WDR59: variants seen among roughly 807,000 people sequenced by gnomAD.
WDR59 encodes the protein GATOR2 complex protein WDR59.
WDR59 carries 100 observed loss-of-function variants against 131.2 expected under a neutral mutation model. That is an observed-to-expected ratio of 0.76 (90% confidence interval 0.65 to 0.90). The LOEUF (loss-of-function observed/expected upper bound fraction) is 0.90. WDR59 is among the 40% of genes least tolerant of loss of function. The probability of loss-of-function intolerance (pLI) is 0.00; values close to 1 mark genes in which losing one functional copy is unlikely to be tolerated. For missense variants in WDR59, 1,203 were observed against 1,262.2 expected (o/e 0.95, Z 0.71); for synonymous variants, 601 against 466.2 (o/e 1.29, Z -3.72).
intron 8 of WDR59, among the ~76,000 whole-genome samples, chr16:74,936,353 G>T (rs2145071244): frequency 6.6e-6 from 1 of 152,086 alleles, no homozygotes; most frequent in South Asian, 2.1e-4. Context: ...AATATATAAA[G>T]TCCTCCCAGG....
At chr16:74,887,547 AT>A in intron 23 of WDR59, 135 bp downstream of exon 23, 2 of 810,870 alleles carry the variant, frequency 2.5e-6, no homozygotes, top group South Asian at 3.7e-5. Context: ...CAGCAAGAGT[AT>A]CCCTATCACA....
In WDR59 at chr16:74,954,413, C is replaced by T. The variant is rs186970931; in HGVS notation, c.240+2062G>A. Among the ~76,000 whole-genome samples the T allele has an allele frequency of 3.2e-4, 49 of 152,236 alleles. No homozygotes were observed. The East Asian group carries it at 8.5e-3, about 26-fold the overall frequency. Reference sequence around the variant, plus strand: ...ACAAGAGTGAAACTCTGTCTCAAAACAAACAAACAAAAAGACATAACAAAG... The same window carrying T: ...ACAAGAGTGAAACTCTGTCTCAAAATAAACAAACAAAAAGACATAACAAAG... On this transcript the variant is annotated intron_variant, in intron 3 of 25. Coordinates refer to ENST00000262144, the MANE Select transcript of WDR59 (RefSeq NM_030581.4).
intron 6 of WDR59, among the ~76,000 whole-genome samples, chr16:74,945,483 A>C (rs999389154): frequency 7.1e-6 from 1 of 141,632 alleles, no homozygotes; most frequent in Non-Finnish European, 1.5e-5. Context: ...TCTCAAAAAT[A>C]AAAAAAAAAA....
intron 1 of WDR59, among the ~76,000 whole-genome samples, chr16:74,971,801 T>G (rs2033995086): frequency 6.6e-6 from 1 of 152,172 alleles, no homozygotes; most frequent in Admixed American, 6.6e-5. Context: ...CCCAAACTTC[T>G]GGGCTCAAGT....
intron 11 of WDR59, among the ~76,000 whole-genome samples, chr16:74,917,331 G>C (rs1966439306): frequency 6.6e-6 from 1 of 152,188 alleles, no homozygotes; most frequent in South Asian, 2.1e-4. Flanking sequence ...AGAAGAGAAA[G>C]AAATGAACCC....
intron 1 of WDR59, among the ~76,000 whole-genome samples, chr16:74,980,356 C>CTTTTT (rs35672894): frequency 7.5e-6 from 1 of 132,572 alleles, no homozygotes; most frequent in Non-Finnish European, 1.6e-5. Context: ...AAATCTAAGT[C>CTTTTT]TTTTTTTTTT....
chr16:74,945,951 G>A (rs1446228735), intron 6 of WDR59, among the ~76,000 whole-genome samples: 3 of 151,652 alleles, frequency 2.0e-5, no homozygotes, highest in Admixed American at 1.3e-4. Flanking sequence ...CCAAGAAGCT[G>A]AGATTACAGG....
chr16:74,910,797 A>T (rs1966046908), intron 14 of WDR59, among the ~76,000 whole-genome samples: 1 of 151,916 alleles, frequency 6.6e-6, no homozygotes, highest in Non-Finnish European at 1.5e-5. Context: ...TTTTTTGAGG[A>T]GTGTCGCTCT....
rs1277852993 is a variant in WDR59 at position 74,916,371 on chromosome 16, C to T, written c.967-112G>A. The T allele has an allele frequency of 3.7e-6, 5 of 1,346,458 alleles. No individual in the cohort carries two copies. The African/African-American group carries it at 4.3e-5, about 12-fold the overall frequency. 83.4% of individuals were successfully genotyped at this position (1,346,458 alleles called of 1,614,324 possible). A position where few individuals can be genotyped will look rare whatever the true frequency, so the allele number is the denominator to read the frequency against. ...GGAAGGGCAAAGGATGGGGATGTGT[C>T]AGCCAAGAGCTGACATAATCAAAAT... is the stretch of plus-strand genomic sequence containing the variant. On this transcript the variant is annotated intron_variant, in intron 11 of 25. Transcript: ENST00000262144.
At chr16:74,930,044 G>A in intron 8 of WDR59, among the ~76,000 whole-genome samples, 1 of 152,184 alleles carries the variant, frequency 6.6e-6, no homozygotes, top group East Asian at 1.9e-4. Context: ...AAGCGTAGTG[G>A]GGTAGAGCGG....
At chr16:74,959,538 G>A (rs1002346363) in intron 2 of WDR59, 1 of 453,864 alleles carries the variant, frequency 2.2e-6, no homozygotes, top group African/African-American at 2.0e-5. Flanking sequence ...CGAGGCAGAA[G>A]CATCGCTTGA....
At chr16:74,919,072 T>C (rs1273576063) in intron 10 of WDR59, among the ~76,000 whole-genome samples, 2 of 152,128 alleles carry the variant, frequency 1.3e-5, no homozygotes, top group African/African-American at 4.8e-5. Context: ...CCTAATTCCT[T>C]TCTAAATGTT....
chr16:74,912,295 A>C lies in WDR59; in HGVS notation c.1292T>G (p.Val431Gly). 6.2e-7 allele frequency: 1 copy of C among 1,614,146 alleles called. No individual in the cohort carries two copies. Among genetic ancestry groups the C allele is most frequent in the Non-Finnish European group, 8.5e-7 (1 of 1,180,020 alleles). The change falls in exon 14 of 26, where the codon GTG (valine) becomes GGG (glycine). Residue 431 changes from valine (V) to glycine (G), a missense_variant. Physicochemically the swap from Val to Gly is moderately radical, Grantham distance 109. Coordinates refer to ENST00000262144, the MANE Select transcript of WDR59 (RefSeq NM_030581.4). ...HCSNHRVKMLVKFPAQYPNNA... is the reference protein window; with the variant it reads ...HCSNHRVKMLGKFPAQYPNNA... Reference sequence around the variant, plus strand: ...GTTTGGGTACTGTGCAGGGAACTTCACCAGCATCTTGACACGATGGTTGCT... The same window carrying C: ...GTTTGGGTACTGTGCAGGGAACTTCCCCAGCATCTTGACACGATGGTTGCT...
At chr16:74,915,090 G>A (rs74026621) in intron 13 of WDR59, among the ~76,000 whole-genome samples, 3,741 of 152,284 alleles carry the variant, frequency 0.025, 157 homozygotes, top group African/African-American at 0.085. Flanking sequence ...CCTTCTTACT[G>A]TGAATCTAAA....
intron 1 of WDR59, among the ~76,000 whole-genome samples, chr16:74,969,687 A>G (rs2033907062): frequency 6.6e-6 from 1 of 151,882 alleles, no homozygotes; most frequent in African/African-American, 2.4e-5. Context: ...CTCCTGCCTC[A>G]GCCTCCCAAG....
rs555831737 is a variant in WDR59, at chr16:74,954,019, G to A, written c.240+2456C>T. 1.7e-3 allele frequency among the ~76,000 whole-genome samples: 249 copies of A among 149,232 alleles called. 1 individual carries two copies. Among genetic ancestry groups the A allele is most frequent in the Middle Eastern group, 0.011 (3 of 278 alleles). On this transcript the variant is annotated intron_variant, in intron 3 of 25. Transcript: ENST00000262144. The stretch of plus-strand genomic sequence containing the variant: ...TCCGTCTCAAAAAAAAAAAGAAAAA[G>A]GGCAGAGGCCTTGAATAGACATTTC...
chr16:74,977,669 C>A (rs983480511), intron 1 of WDR59, among the ~76,000 whole-genome samples: 6 of 152,096 alleles, frequency 3.9e-5, no homozygotes, highest in Non-Finnish European at 7.4e-5. Context: ...GCGTAGATAA[C>A]AGAGCAAGAT....
At position 74,871,737 on chromosome 16, in the gene WDR59, C is replaced by T; in HGVS notation, c.*2472G>A. 1 of 152,252 alleles carries T rather than the reference C, an allele frequency of 6.6e-6. No individual in the cohort carries two copies. The highest frequency in any genetic ancestry group is 1.9e-4 in the East Asian group (1 of 5,200). The allele number at this position is 152,252 out of a possible 1,614,324, so 9.4% of individuals were successfully genotyped here. ...CTGAGGAACACAACAGATCCTTTCT[C>T]TCTGTGTAAATCAGCCAACCTATTC... On this transcript the variant is annotated 3_prime_UTR_variant, in exon 26 of 26. Coordinates refer to ENST00000262144, the MANE Select transcript of WDR59 (RefSeq NM_030581.4).
Position 74,965,770 on chromosome 16 carries a change from T to C in WDR59, c.104+3A>G. The C allele has an allele frequency of 1.2e-6, 2 of 1,614,074 alleles. No homozygotes were observed. Among genetic ancestry groups the C allele is most frequent in the Non-Finnish European group, 1.7e-6 (2 of 1,179,982 alleles). On this transcript the variant is annotated splice_donor_region_variant and intron_variant, in intron 2 of 25. Coordinates refer to ENST00000262144, the MANE Select transcript of WDR59 (RefSeq NM_030581.4). ...GGCAGACAAACTCGGCAAGCTTACT[T>C]ACCCAGAAAGCACTGCATGCTGCCC...
Sources: allele counts gnomAD v4.1 joint callset (sites outside exome capture counted in the v4.1 genomes callset), GRCh38; gene constraint gnomAD v4.1.1; transcripts MANE v1.5; gene names NCBI Gene and HGNC (gene_info 2026-07-23, HGNC 2026-07-21).